Variants in OSGIN1 observed in about 807,000 individuals in gnomAD.
OSGIN1 encodes the protein oxidative stress-induced growth inhibitor 1.
OSGIN1 carries 19 observed loss-of-function variants against 20.1 expected under a neutral mutation model. That is an observed-to-expected ratio of 0.95 (90% CI 0.66 to 1.39). The LOEUF is 1.39. OSGIN1 is among the 40% of genes most tolerant of loss of function. The pLI is 0.00. For missense variants in OSGIN1, 820 were observed against 653.0 expected (o/e 1.26, Z -2.79); for synonymous variants, 368 against 297.8 (o/e 1.24, Z -2.43).
intron 5 of OSGIN1, among the ~76,000 whole-genome samples, chr16:83,961,912 C>T (rs2084219532): frequency 6.6e-6 from 1 of 152,050 alleles, no homozygotes; most frequent in Non-Finnish European, 1.5e-5. Flanking sequence ...CTGAGCCTGG[C>T]CTAGAACAAT....
chr16:83,953,259 C>G lies in OSGIN1; in HGVS notation c.-144C>G, dbSNP rs781578457. 2 of 1,287,186 alleles carry G rather than the reference C, an allele frequency of 1.6e-6. No individual in the cohort carries two copies. Among genetic ancestry groups the G allele is most frequent in the Admixed American group, 4.6e-5 (2 of 43,406 alleles). The allele number at this position is 1,287,186 out of a possible 1,614,324, so 79.7% of individuals were successfully genotyped here. A position where few individuals can be genotyped will look rare whatever the true frequency, so the allele number is the denominator to read the frequency against. Reference sequence around the variant, plus strand: ...CCTCTCAGAGCCTCTTGGATCCCCACAGGGTAATGGGTGTCCCGATCTCGC... The same window carrying G: ...CCTCTCAGAGCCTCTTGGATCCCCAGAGGGTAATGGGTGTCCCGATCTCGC... On this transcript the variant is annotated 5_prime_UTR_variant, in exon 1 of 6. Coordinates refer to ENST00000393306, the MANE Select transcript of OSGIN1 (RefSeq NM_182981.3).
In OSGIN1 at chr16:83,957,770, C is replaced by T. The variant is rs758048136; in HGVS notation, c.67+32C>T. The T allele has an allele frequency of 6.3e-5, 83 of 1,315,620 alleles. No individual in the cohort carries two copies. The South Asian group carries it at 9.7e-4, about 15-fold the overall frequency. The allele number at this position is 1,315,620 out of a possible 1,614,324, so 81.5% of individuals were successfully genotyped here. A position where few individuals can be genotyped will look rare whatever the true frequency, so the allele number is the denominator to read the frequency against. On this transcript the variant is annotated intron_variant, in intron 2 of 5. Transcript: ENST00000393306. ...GTCAGGCCCCAGCCAGGGAGGGGCTCCGCTGAGCCTTCCGGGTACCCCCCA... is the reference window on the plus strand; with the variant it reads ...GTCAGGCCCCAGCCAGGGAGGGGCTTCGCTGAGCCTTCCGGGTACCCCCCA...
chr16:83,958,354 C>T (rs940576298), intron 2 of OSGIN1, among the ~76,000 whole-genome samples: 7 of 152,208 alleles, frequency 4.6e-5, no homozygotes, highest in African/African-American at 1.7e-4. Context: ...AGGCCTGGTC[C>T]TGAGCCCACA....
intron 5 of OSGIN1, 53 bp from the exon 6 acceptor site, chr16:83,965,009 C>CCCCCA: frequency 9.1e-7 from 1 of 1,096,880 alleles, no homozygotes; most frequent in Non-Finnish European, 1.3e-6. Flanking sequence ...TCCCACCCAG[C>CCCCCA]CCCCCAACCC....
intron 4 of OSGIN1, 61 bp downstream of exon 4, chr16:83,960,821 G>C: frequency 6.4e-7 from 1 of 1,556,784 alleles, no homozygotes; most frequent in Non-Finnish European, 8.8e-7. Context: ...TCCCCACTTG[G>C]GGCTGGGACT....
chr16:83,956,753 T>C (rs1305914525), intron 1 of OSGIN1, among the ~76,000 whole-genome samples: 1 of 152,232 alleles, frequency 6.6e-6, no homozygotes, highest in Non-Finnish European at 1.5e-5. Context: ...TCATCATCCC[T>C]GTGCCCACAA....
chr16:83,959,226 G>A (rs1334185017), intron 2 of OSGIN1, 34 bp from the exon 3 acceptor site: 1 of 1,595,748 alleles, frequency 6.3e-7, no homozygotes, highest in African/African-American at 1.3e-5. Context: ...ACCTGAAAAG[G>A]CCACCCCCTT....
intron 5 of OSGIN1, among the ~76,000 whole-genome samples, chr16:83,964,643 T>A (rs2084254904): frequency 6.6e-6 from 1 of 152,224 alleles, no homozygotes; most frequent in African/African-American, 2.4e-5. Context: ...GGTTCCATCC[T>A]AAGCACTTTG....
intron 1 of OSGIN1, among the ~76,000 whole-genome samples, chr16:83,953,736 T>A (rs913548838): frequency 6.6e-6 from 1 of 152,094 alleles, no homozygotes; most frequent in African/African-American, 2.4e-5. Flanking sequence ...GCAGCCAGGC[T>A]GGGTGCCTTC....
rs745988129 is a variant in OSGIN1 at position 83,965,332 on chromosome 16, C to A, written c.759C>A (p.Ala253=). The A allele has an allele frequency of 6.3e-7, 1 of 1,574,842 alleles. No individual in the cohort carries two copies. The highest frequency in any genetic ancestry group is 1.3e-5 in the African/African-American group (1 of 74,452). The change falls in exon 6 of 6, where the codon GCC becomes GCA. Residue 253 remains alanine, a synonymous_variant. Coordinates refer to ENST00000393306, the MANE Select transcript of OSGIN1 (RefSeq NM_182981.3). ...CCACAGGCACGTTCGACAGCCCGGC[C>A]CGGCTGGGCATCCCCGGGGAGGCCC... ...VLATGTFDSP[A]RLGIPGEALP... is the part of the protein sequence containing the mutation.
chr16:83,965,132 G>T lies in OSGIN1; in HGVS notation c.559G>T (p.Gly187Cys). 1 of 1,613,454 alleles carries T rather than the reference G, an allele frequency of 6.2e-7. No individual in the cohort carries two copies. The highest frequency in any genetic ancestry group is 1.1e-5 in the South Asian group (1 of 91,084). The change falls in exon 6 of 6, where the codon GGT becomes TGT. Residue 187 changes from glycine (G) to cysteine (C), a missense_variant. Physicochemically the swap from Gly to Cys is radical, Grantham distance 159. Coordinates refer to ENST00000393306, the MANE Select transcript of OSGIN1 (RefSeq NM_182981.3). ...CTACAGGGACTACGTGGTCAAGAAG[G>T]GTCTGGGGCATAACTTTGTGTCCGG... ...HYYRDYVVKKGLGHNFVSGAV... is the reference protein window; with the variant it reads ...HYYRDYVVKKCLGHNFVSGAV...
In OSGIN1 at chr16:83,953,276, C is replaced by G. The variant is rs1304016136; in HGVS notation, c.-127C>G. ...GATCCCCACAGGGTAATGGGTGTCCCGATCTCGCGGGGGACTCTGTGATCC... is the reference window on the plus strand; with the variant it reads ...GATCCCCACAGGGTAATGGGTGTCCGGATCTCGCGGGGGACTCTGTGATCC... On this transcript the variant is annotated 5_prime_UTR_variant, in exon 1 of 6. Transcript: ENST00000393306. 3 of 1,288,350 alleles carry G rather than the reference C, an allele frequency of 2.3e-6. No individual in the cohort carries two copies. In the African/African-American group the frequency reaches 4.6e-5, roughly 20 times the overall value. The allele number at this position is 1,288,350 out of a possible 1,614,324, so 79.8% of individuals were successfully genotyped here.
At chr16:83,958,733 C>A (rs981903539) in intron 2 of OSGIN1, among the ~76,000 whole-genome samples, 8 of 152,228 alleles carry the variant, frequency 5.3e-5, no homozygotes, top group African/African-American at 1.9e-4. Flanking sequence ...GCAGACCCAA[C>A]AGGCGGCTCA....
chr16:83,962,944 C>G (rs2084232666), intron 5 of OSGIN1, among the ~76,000 whole-genome samples: 1 of 152,114 alleles, frequency 6.6e-6, no homozygotes, highest in Non-Finnish European at 1.5e-5. Context: ...ATTGATTTGC[C>G]TCTCACAGTT....
chr16:83,958,033 T>C (rs930849405), intron 2 of OSGIN1, among the ~76,000 whole-genome samples: 13 of 152,230 alleles, frequency 8.5e-5, no homozygotes, highest in Admixed American at 2.0e-4. Context: ...CATGCCACCA[T>C]GCCCAGCTAA....
rs531010867 is a variant in OSGIN1 at position 83,953,912 on chromosome 16, C to T, written c.-33+542C>T. ...CTGGGGAGCTGCAGGAGACCCTGGG[C>T]TCCAGGTGTGCGGCACTGGGGCGAG... On this transcript the variant is annotated intron_variant, in intron 1 of 5. Coordinates refer to ENST00000393306, the MANE Select transcript of OSGIN1 (RefSeq NM_182981.3). 2.4e-3 allele frequency among the ~76,000 whole-genome samples: 373 copies of T among 152,342 alleles called. 3 individuals are homozygous for T. The highest frequency in any genetic ancestry group is 8.6e-3 in the African/African-American group (357 of 41,582).
In OSGIN1 at chr16:83,959,308, C is replaced by T. The variant is rs776291061; in HGVS notation, c.116C>T (p.Thr39Ile). ...ICLSYLLSGY[T>I]PYTKPDAIHP... Reference sequence around the variant, plus strand: ...CTGTCCTACCTGCTCTCCGGCTACACACCCTACACGAAGCCAGATGCCATC... The same window carrying T: ...CTGTCCTACCTGCTCTCCGGCTACATACCCTACACGAAGCCAGATGCCATC... Residue 39 changes from threonine to isoleucine, a missense_variant, in exon 3 of 6, where the codon ACA (threonine) becomes ATA (isoleucine). Physicochemically the swap from Thr to Ile is moderately conservative, Grantham distance 89 (BLOSUM62 -1). Coordinates refer to ENST00000393306, the MANE Select transcript of OSGIN1 (RefSeq NM_182981.3). 2 of 1,613,680 alleles carry T rather than the reference C, an allele frequency of 1.2e-6. No individual in the cohort carries two copies. The highest frequency in any genetic ancestry group is 1.1e-5 in the South Asian group (1 of 91,060).
At position 83,965,413 on chromosome 16, in the gene OSGIN1, G is replaced by C; in HGVS notation, c.840G>C (p.Ala280=). 6.3e-7 allele frequency: 1 copy of C among 1,578,468 alleles called. No individual in the cohort carries two copies. The highest frequency in any genetic ancestry group is 8.6e-7 in the Non-Finnish European group (1 of 1,165,338). ...SALEAATRVG[A]VTPASDPVLI... ...TGGAGGCCGCCACAAGGGTGGGTGC[G>C]GTGACCCCGGCCTCAGACCCTGTCC... The change falls in exon 6 of 6, where the codon GCG becomes GCC. Residue 280 remains alanine (A), a synonymous_variant. Coordinates refer to ENST00000393306, the MANE Select transcript of OSGIN1 (RefSeq NM_182981.3).
At chr16:83,954,177 G>A (rs1344215751) in intron 1 of OSGIN1, 2 of 152,230 alleles carry the variant, frequency 1.3e-5, no homozygotes, top group African/African-American at 4.8e-5. Context: ...ATGGGGATAA[G>A]AACACCCACC....
Sources: allele counts gnomAD v4.1 joint callset (sites outside exome capture counted in the v4.1 genomes callset), GRCh38; gene constraint gnomAD v4.1.1; transcripts MANE v1.5; gene names NCBI Gene and HGNC (gene_info 2026-07-23, HGNC 2026-07-21).